DBF4B: variants seen among roughly 807,000 people sequenced by gnomAD.
The protein encoded by DBF4B is protein DBF4 homolog B.
DBF4B carries 49 observed loss-of-function variants against 53.4 expected under a neutral mutation model. The ratio of observed to expected loss-of-function variants is 0.92; its 90% CI spans 0.73 to 1.16. The LOEUF (loss-of-function observed/expected upper bound fraction) is 1.16. Among genes scored for constraint, DBF4B ranks in the 50% most tolerant of loss-of-function variants. DBF4B has a pLI of 0.00. For synonymous variants in DBF4B, 257 were observed against 288.7 expected, an observed-to-expected ratio of 0.89 and a Z score of 1.11; for missense variants, 692 against 775.0, an observed-to-expected ratio of 0.89 and a Z score of 1.27.
At chr17:44,747,770 C>T (rs1249906034) in intron 12 of DBF4B, among the ~76,000 whole-genome samples, 1 of 152,220 alleles carries the variant, frequency 6.6e-6, no homozygotes, top group Non-Finnish European at 1.5e-5. Context: ...ACTCCACAGG[C>T]TTTGATGTGG....
At position 44,751,288 on chromosome 17, in the gene DBF4B, A is replaced by C; in HGVS notation, c.*35A>C. The C allele has an allele frequency of 6.3e-7, 1 of 1,591,216 alleles. No homozygotes were observed. Among genetic ancestry groups the C allele is most frequent in the Non-Finnish European group, 8.6e-7 (1 of 1,168,496 alleles). On this transcript the variant is annotated 3_prime_UTR_variant, in exon 14 of 14. Coordinates refer to ENST00000315005, the MANE Select transcript of DBF4B (RefSeq NM_145663.3). ...CAGAACACCTGAGACTTGACCCAGG[A>C]TGGATGGGTGCTGCTTGATGTGAAT...
chr17:44,729,677 T>TAC (rs1429104175), intron 3 of DBF4B, among the ~76,000 whole-genome samples: 255 of 100,460 alleles, frequency 2.5e-3, no homozygotes, highest in African/African-American at 9.0e-3. Context: ...AAACCTGTAA[T>TAC]ACACATACAC....
At chr17:44,714,443 C>T (rs978383896) in intron 2 of DBF4B, among the ~76,000 whole-genome samples, 9 of 151,884 alleles carry the variant, frequency 5.9e-5, no homozygotes, top group African/African-American at 2.2e-4. Flanking sequence ...ATCTATATGC[C>T]GATGTGGTAA....
chr17:44,730,937 G>A (rs776587962), intron 4 of DBF4B, 28 bp from the exon 5 acceptor site: 10 of 1,613,206 alleles, frequency 6.2e-6, no homozygotes, highest in Non-Finnish European at 2.5e-6. Context: ...CCTAACAGCA[G>A]ACCTCACTGC....
chr17:44,750,317 A>C, intron 13 of DBF4B: 2 of 1,221,744 alleles, frequency 1.6e-6, no homozygotes, highest in South Asian at 6.1e-5. Flanking sequence ...GCATTTAAAG[A>C]GTTGTCTCTT....
At chr17:44,743,607 C>CTTTTTT (rs71136042) in intron 10 of DBF4B, among the ~76,000 whole-genome samples, 2 of 114,078 alleles carry the variant, frequency 1.8e-5, no homozygotes, top group African/African-American at 3.5e-5. Context: ...CTGTATGATT[C>CTTTTTT]TTTTTTTTTT....
At chr17:44,733,037 C>T (rs1974986324) in intron 6 of DBF4B, among the ~76,000 whole-genome samples, 4 of 149,486 alleles carry the variant, frequency 2.7e-5, no homozygotes, top group Admixed American at 6.7e-5. Context: ...TGGTGGCGGG[C>T]GCCTGTAGTC....
At chr17:44,740,991 C>T (rs150926902) in intron 9 of DBF4B, among the ~76,000 whole-genome samples, 3,842 of 152,162 alleles carry the variant, frequency 0.025, 68 homozygotes, top group Non-Finnish European at 0.036. Context: ...AAAAATTAGC[C>T]GGCCATGGTG....
chr17:44,747,421 G>C lies in DBF4B; in HGVS notation c.970G>C (p.Ala324Pro). Reference sequence around the variant, plus strand: ...TCAGAGTGCCCAGCACCGGAGCTTTGCCCTGGAAGCCCATCTATATGCAGA... The same window carrying C: ...TCAGAGTGCCCAGCACCGGAGCTTTCCCCTGGAAGCCCATCTATATGCAGA... ...HLQSAQHRSFALEAHLYAEVD... is the reference protein window; with the variant it reads ...HLQSAQHRSFPLEAHLYAEVD... The change falls in exon 12 of 14, where the codon GCC (alanine) becomes CCC (proline). Residue 324 changes from alanine (A) to proline (P), a missense_variant. Physicochemically the swap from Ala to Pro is conservative, Grantham distance 27. Coordinates refer to ENST00000315005, the MANE Select transcript of DBF4B (RefSeq NM_145663.3). 1.9e-6 allele frequency: 3 copies of C among 1,614,074 alleles called. No individual in the cohort carries two copies. The highest frequency in any genetic ancestry group is 2.5e-6 in the Non-Finnish European group (3 of 1,180,040).
chr17:44,751,497 ACTGT>A lies in DBF4B; in HGVS notation c.*250_*253del. On this transcript the variant is annotated 3_prime_UTR_variant, in exon 14 of 14. Transcript: ENST00000315005. ...GAGGTGTCCTCCCTCCACAAGTCAC[ACTGT>A]CTGTCCCTGGCCCTCCAGCCCACCT... 1.4e-6 allele frequency: 2 copies of A among 1,395,252 alleles called. No individual in the cohort carries two copies. Among genetic ancestry groups the A allele is most frequent in the Non-Finnish European group, 9.3e-7 (1 of 1,078,450 alleles). The allele number at this position is 1,395,252 out of a possible 1,614,324, so 86.4% of individuals were successfully genotyped here. A position where few individuals can be genotyped will look rare whatever the true frequency, so the allele number is the denominator to read the frequency against.
chr17:44,747,436 C>T lies in DBF4B; in HGVS notation c.985C>T (p.Leu329=). Residue 329 remains leucine (L), a synonymous_variant, in exon 12 of 14, where the codon CTA becomes TTA. Coordinates refer to ENST00000315005, the MANE Select transcript of DBF4B (RefSeq NM_145663.3). ...CCGGAGCTTTGCCCTGGAAGCCCATCTATATGCAGAAGTGGACAGGATCAT... is the reference window on the plus strand; with the variant it reads ...CCGGAGCTTTGCCCTGGAAGCCCATTTATATGCAGAAGTGGACAGGATCAT... ...QHRSFALEAH[L]YAEVDRIIAQ... is the part of the protein sequence containing the mutation. The T allele has an allele frequency of 6.2e-7, 1 of 1,614,184 alleles. No homozygotes were observed. The highest frequency in any genetic ancestry group is 8.5e-7 in the Non-Finnish European group (1 of 1,180,038).
chr17:44,718,186 C>T (rs1041164882), intron 2 of DBF4B, among the ~76,000 whole-genome samples: 5 of 152,030 alleles, frequency 3.3e-5, no homozygotes, highest in Admixed American at 6.6e-5. Context: ...AATCCCAGCA[C>T]TTTGGGAGGC....
intron 2 of DBF4B, among the ~76,000 whole-genome samples, chr17:44,709,586 G>T (rs139948303): frequency 0.02 from 2,989 of 152,262 alleles, 51 homozygotes; most frequent in Non-Finnish European, 0.028. Flanking sequence ...CTCCCAAAAT[G>T]CTGGGATTAC....
chr17:44,742,409 CAAAA>C (rs1248602974), intron 10 of DBF4B, among the ~76,000 whole-genome samples: 8 of 52,092 alleles, frequency 1.5e-4, no homozygotes, highest in Admixed American at 1.3e-3. Context: ...GACTCCTTCT[CAAAA>C]AAAAAAAAAA....
At chr17:44,727,538 T>C (rs150305569) in intron 3 of DBF4B, among the ~76,000 whole-genome samples, 2 of 152,116 alleles carry the variant, frequency 1.3e-5, no homozygotes, top group Non-Finnish European at 2.9e-5. Flanking sequence ...ACCCAGAAAC[T>C]CAGGACTGCA....
intron 2 of DBF4B, among the ~76,000 whole-genome samples, chr17:44,716,963 G>C (rs1270851615): frequency 1.3e-5 from 2 of 152,056 alleles, no homozygotes; most frequent in African/African-American, 4.8e-5. Flanking sequence ...TCTCTTGCCT[G>C]TTGTCTTCTT....
intron 13 of DBF4B, chr17:44,750,224 A>G: frequency 2.0e-6 from 2 of 1,014,368 alleles, no homozygotes; most frequent in Non-Finnish European, 2.4e-6. Flanking sequence ...GGAGACAGAA[A>G]TGGGTTTGCT....
chr17:44,743,855 A>C (rs901585318), intron 10 of DBF4B, among the ~76,000 whole-genome samples: 1 of 151,246 alleles, frequency 6.6e-6, no homozygotes, highest in South Asian at 2.1e-4. Flanking sequence ...TGATCCACCC[A>C]CCTCAGCCTC....
At position 44,749,093 on chromosome 17, in the gene DBF4B, C is replaced by G; in HGVS notation, c.1189+628C>G. 2 of 1,289,800 alleles carry G rather than the reference C, an allele frequency of 1.6e-6. No homozygotes were observed. Among genetic ancestry groups the G allele is most frequent in the Non-Finnish European group, 2.0e-6 (2 of 988,834 alleles). 79.9% of individuals were successfully genotyped at this position (1,289,800 alleles called of 1,614,324 possible). On this transcript the variant is annotated intron_variant, in intron 13 of 13. Transcript: ENST00000315005. This position sits in a 1 kb window ranked among gnomAD's most constrained non-coding sequence, Gnocchi z 4.4. ...CCCACAGCTCCAGGCTGGCCATCAG[C>G]TCCCCTGTACTCAGCTACCAGTGTG...
Sources: gnomAD v4.1 joint callset for allele counts (sites outside exome capture counted in the v4.1 genomes callset) on GRCh38, gnomAD v4.1.1 for gene constraint, Gnocchi (gnomAD v3.1) non-coding constraint, MANE v1.5 for transcripts, NCBI Gene and HGNC (gene_info 2026-07-23, HGNC 2026-07-21) for gene names.